The following RGS21 variants were observed in gnomAD, a reference collection of about 807,000 sequenced individuals.
The protein encoded by RGS21 is regulator of G protein signaling 21.
A neutral mutation model predicts 18.7 loss-of-function variants in RGS21; 19 were observed. The observed-to-expected ratio is 1.01, with a 90% CI of 0.71 to 1.49. The LOEUF is 1.49. Ranked by LOEUF, RGS21 falls within the 40% of genes most tolerant of loss-of-function variation. RGS21 has a pLI of 0.00. For synonymous variants in RGS21, 56 were observed against 57.8 expected, an observed-to-expected ratio of 0.97 and a Z score of 0.14; for missense variants, 194 against 176.8, an observed-to-expected ratio of 1.10 and a Z score of -0.55.
chr1:192,342,899 A>G (rs1658891942), intron 1 of RGS21, 78 bp from the exon 2 acceptor site: 1 of 799,970 alleles, frequency 1.3e-6, no homozygotes, highest in Non-Finnish European at 2.1e-6. Flanking sequence ...AGCAGAATTT[A>G]AAGAATGCCA....
At chr1:192,317,933 G>A (rs1211282435) in intron 1 of RGS21, among the ~76,000 whole-genome samples, 1 of 151,880 alleles carries the variant, frequency 6.6e-6, no homozygotes, top group Non-Finnish European at 1.5e-5. Flanking sequence ...AACTCAAGAT[G>A]AAATGGTTGT....
intron 1 of RGS21, among the ~76,000 whole-genome samples, chr1:192,341,576 A>G (rs1265572264): frequency 4.6e-5 from 7 of 152,140 alleles, no homozygotes; most frequent in Admixed American, 4.6e-4. Context: ...AGTTTTTTCT[A>G]AACAATGAAG....
In RGS21 at chr1:192,333,628, CAAAAAAAAAAAA is replaced by C. The variant is rs376989840; in HGVS notation, c.-60-9332_-60-9321del. ...TATTTTTATAATATTCTCAAAATGA[CAAAAAAAAAAAA>C]AAAAAAAAAAAAAAAAGAGATGAGT... On this transcript the variant is annotated intron_variant, in intron 1 of 4. Transcript: ENST00000417209. Among the ~76,000 whole-genome samples the C allele has an allele frequency of 8.9e-4, 91 of 102,406 alleles. 1 individual carries two copies. The South Asian group carries it at 0.017, about 19-fold the overall frequency. The allele number at this position is 102,406 out of a possible 152,430, so 67.2% of individuals were successfully genotyped here. A position where few individuals can be genotyped will look rare whatever the true frequency, so the allele number is the denominator to read the frequency against.
At chr1:192,362,706 G>A (rs1236211605) in intron 4 of RGS21, among the ~76,000 whole-genome samples, 1 of 152,040 alleles carries the variant, frequency 6.6e-6, no homozygotes, top group Non-Finnish European at 1.5e-5. Flanking sequence ...AGGAAAATAG[G>A]CAAATCAGAA....
rs1178305163 is a variant in RGS21, at chr1:192,365,983, A to G, written c.318A>G (p.Lys106=). ...ISKNIAEPTL[K]CFDEAQKLIY... ...AGAATATTGCTGAACCAACACTCAA[A>G]TGCTTTGATGAGGCTCAGAAATTAA... The change falls in exon 5 of 5, where the codon AAA becomes AAG. Residue 106 remains lysine (K), a synonymous_variant. Transcript: ENST00000417209. The G allele has an allele frequency of 6.2e-7, 1 of 1,610,338 alleles. No homozygotes were observed.
intron 1 of RGS21, among the ~76,000 whole-genome samples, chr1:192,323,412 C>T (rs936746832): frequency 4.0e-5 from 6 of 151,692 alleles, no homozygotes; most frequent in Non-Finnish European, 7.4e-5. Context: ...GTTGCAGGCA[C>T]GTTAGGCAAA....
At chr1:192,323,693 T>A (rs1258670989) in intron 1 of RGS21, among the ~76,000 whole-genome samples, 1 of 152,076 alleles carries the variant, frequency 6.6e-6, no homozygotes, top group African/African-American at 2.4e-5. Context: ...GAAATGATAA[T>A]AAGCTCAGAA....
At chr1:192,365,274 G>T (rs1245979759) in intron 4 of RGS21, among the ~76,000 whole-genome samples, 1 of 152,068 alleles carries the variant, frequency 6.6e-6, no homozygotes, top group Non-Finnish European at 1.5e-5. Flanking sequence ...AAGGTTTGGA[G>T]CATTTTACAT....
intron 1 of RGS21, among the ~76,000 whole-genome samples, chr1:192,334,392 G>A (rs1658734205): frequency 6.6e-6 from 1 of 152,004 alleles, no homozygotes; most frequent in Non-Finnish European, 1.5e-5. Context: ...TTCCATTTTT[G>A]TTTTAGAATT....
intron 4 of RGS21, among the ~76,000 whole-genome samples, chr1:192,354,442 C>A (rs1659084975): frequency 6.6e-6 from 1 of 151,596 alleles, no homozygotes; most frequent in African/African-American, 2.4e-5. Flanking sequence ...TAGCATTTTC[C>A]AGAAATTGCA....
intron 1 of RGS21, 45 bp from the exon 2 acceptor site, chr1:192,342,932 A>G: frequency 8.9e-7 from 1 of 1,117,354 alleles, no homozygotes; most frequent in South Asian, 1.3e-5. Flanking sequence ...GGGGATAGGT[A>G]TTCGCATACT....
At chr1:192,328,579 CATT>C (rs1485561059) in intron 1 of RGS21, among the ~76,000 whole-genome samples, 4 of 151,992 alleles carry the variant, frequency 2.6e-5, no homozygotes, top group South Asian at 2.1e-4. Context: ...GATAAAAACT[CATT>C]GTTGAAAAAG....
intron 1 of RGS21, among the ~76,000 whole-genome samples, chr1:192,338,987 A>G (rs1173787509): frequency 2.0e-5 from 3 of 152,098 alleles, no homozygotes; most frequent in Admixed American, 6.6e-5. Context: ...TAAGCAAGAT[A>G]TTTAGCCTCT....
At chr1:192,365,653 G>C (rs952246530) in intron 4 of RGS21, among the ~76,000 whole-genome samples, 1 of 152,028 alleles carries the variant, frequency 6.6e-6, no homozygotes, top group South Asian at 2.1e-4. Flanking sequence ...AAAATATCTT[G>C]CTTGCTTTTT....
chr1:192,347,015 G>T (rs1470966233), intron 2 of RGS21, among the ~76,000 whole-genome samples: 2 of 152,060 alleles, frequency 1.3e-5, no homozygotes, highest in Non-Finnish European at 2.9e-5. Context: ...TAGTTGAAAA[G>T]AAATTCACCA....
chr1:192,351,271 G>A (rs1444020978), intron 3 of RGS21, among the ~76,000 whole-genome samples: 1 of 152,114 alleles, frequency 6.6e-6, no homozygotes, highest in Non-Finnish European at 1.5e-5. Flanking sequence ...ACATAAAGGG[G>A]AGAAGCATTC....
intron 1 of RGS21, among the ~76,000 whole-genome samples, chr1:192,342,352 T>C (rs1658883223): frequency 6.6e-6 from 1 of 152,048 alleles, no homozygotes; most frequent in Non-Finnish European, 1.5e-5. Context: ...CTTATTACAT[T>C]AAACATCATA....
At chr1:192,349,905 T>C (rs1225981890) in intron 3 of RGS21, among the ~76,000 whole-genome samples, 3 of 152,184 alleles carry the variant, frequency 2.0e-5, no homozygotes. Context: ...TGATACACTA[T>C]AAAATATTGC....
chr1:192,356,250 A>C (rs1283345465), intron 4 of RGS21, among the ~76,000 whole-genome samples: 2 of 151,796 alleles, frequency 1.3e-5, no homozygotes, highest in Non-Finnish European at 3.0e-5. Flanking sequence ...ACATCAATAA[A>C]TGTTTTTTAT....
Sources: gnomAD v4.1 joint callset for allele counts (sites outside exome capture counted in the v4.1 genomes callset) on GRCh38, gnomAD v4.1.1 for gene constraint, MANE v1.5 for transcripts, NCBI Gene and HGNC (gene_info 2026-07-23, HGNC 2026-07-21) for gene names.